Variants in FAM171A1 observed in about 807,000 individuals in gnomAD.
The protein encoded by FAM171A1 is protein FAM171A1.
Under a neutral mutation model 74.9 loss-of-function variants are expected in FAM171A1, and 23 were observed. The ratio of observed to expected loss-of-function variants is 0.31; its 90% CI spans 0.22 to 0.44. FAM171A1 has a LOEUF of 0.44. Ranked by LOEUF, FAM171A1 falls within the 20% of genes least tolerant of loss-of-function variation. FAM171A1 has a pLI of 1.00. For missense variants in FAM171A1, 1,162 were observed against 1,159.2 expected, an observed-to-expected ratio of 1.00 and a Z score of -0.03; for synonymous variants, 527 against 505.7, an observed-to-expected ratio of 1.04 and a Z score of -0.57.
At chr10:15,268,549 T>C (rs188302629) in intron 3 of FAM171A1, among the ~76,000 whole-genome samples, 1 of 152,030 alleles carries the variant, frequency 6.6e-6, no homozygotes, top group African/African-American at 2.4e-5. Context: ...CATACTGAGT[T>C]GGAGGTGCCT....
intron 3 of FAM171A1, among the ~76,000 whole-genome samples, chr10:15,255,390 AC>A (rs1834566215): frequency 6.6e-6 from 1 of 152,272 alleles, no homozygotes; most frequent in Admixed American, 6.5e-5. Flanking sequence ...TGCAAACAAT[AC>A]CCCAGCGGCA....
rs1252990976 is a variant in FAM171A1 at position 15,231,085 on chromosome 10, G to A, written c.755-10025C>T. Among the ~76,000 whole-genome samples the A allele has an allele frequency of 3.9e-5, 6 of 152,234 alleles. No individual in the cohort carries two copies. In the East Asian group the frequency reaches 1.2e-3, roughly 29 times the overall value. Reference sequence around the variant, plus strand: ...AATAACTGAGCGTTCTCATAACAGAGAAATTACAAATCTGGAGACATGTGG... The same window carrying A: ...AATAACTGAGCGTTCTCATAACAGAAAAATTACAAATCTGGAGACATGTGG... On this transcript the variant is annotated intron_variant, in intron 5 of 7. Transcript: ENST00000378116.
At chr10:15,219,485 T>C (rs562944670) in intron 6 of FAM171A1, among the ~76,000 whole-genome samples, 1 of 152,240 alleles carries the variant, frequency 6.6e-6, no homozygotes, top group African/African-American at 2.4e-5. Context: ...TCTTCAGTCA[T>C]AATCTAGGTA....
upstream of FAM171A1, among the ~76,000 whole-genome samples, chr10:15,371,323 C>T (rs959399240): frequency 1.6e-4 from 23 of 146,066 alleles, 1 homozygote; most frequent in African/African-American, 5.1e-4. Flanking sequence ...GCCGCCGCCG[C>T]TGCCCGCGCC....
rs773954432 is a variant in FAM171A1 at position 15,248,664 on chromosome 10, C to A, written c.729G>T (p.Ala243=). 1 of 1,609,798 alleles carries A rather than the reference C, an allele frequency of 6.2e-7. No individual in the cohort carries two copies. The highest frequency in any genetic ancestry group is 8.5e-7 in the Non-Finnish European group (1 of 1,178,020). Residue 243 remains alanine, a synonymous_variant, in exon 5 of 8, where the codon GCG becomes GCT. Coordinates refer to ENST00000378116, the MANE Select transcript of FAM171A1 (RefSeq NM_001010924.2). ...CCAGCTTCTGGTCAAACCGCCACGC[C>A]GCGACATAGGCATTGTGCCTCAGGC... is the stretch of plus-strand genomic sequence containing the variant. The part of the protein sequence containing the change: ...QSSLRHNAYV[A]AWRFDQKLGT...
At chr10:15,361,704 C>T (rs931114201) in intron 1 of FAM171A1, among the ~76,000 whole-genome samples, 2 of 152,054 alleles carry the variant, frequency 1.3e-5, no homozygotes, top group Non-Finnish European at 2.9e-5. Context: ...ATAAATCTTA[C>T]TGATAGGACT....
chr10:15,220,008 AG>A (rs1243975844), intron 6 of FAM171A1, among the ~76,000 whole-genome samples: 1 of 152,220 alleles, frequency 6.6e-6, no homozygotes, highest in Non-Finnish European at 1.5e-5. Flanking sequence ...TTACTTTGTG[AG>A]TCTAAGTGCT....
At chr10:15,233,400 T>C (rs375352999) in intron 5 of FAM171A1, among the ~76,000 whole-genome samples, 49 of 152,266 alleles carry the variant, frequency 3.2e-4, no homozygotes, top group African/African-American at 1.1e-3. Flanking sequence ...TCAAACTGCA[T>C]ACTGGAAATG....
At chr10:15,290,619 A>T (rs533390802) in intron 1 of FAM171A1, among the ~76,000 whole-genome samples, 2 of 152,302 alleles carry the variant, frequency 1.3e-5, no homozygotes, top group African/African-American at 4.8e-5. Flanking sequence ...TACATACTGA[A>T]GTGTCATTCT....
intron 1 of FAM171A1, among the ~76,000 whole-genome samples, chr10:15,345,711 C>T (rs565147286): frequency 1.3e-5 from 2 of 152,238 alleles, no homozygotes; most frequent in Non-Finnish European, 2.9e-5. Context: ...TCCTAGGCCA[C>T]GTCTTCCTCA....
chr10:15,344,682 A>G (rs1421983858), intron 1 of FAM171A1, among the ~76,000 whole-genome samples: 1 of 152,264 alleles, frequency 6.6e-6, no homozygotes, highest in Non-Finnish European at 1.5e-5. Context: ...TGCAAATACA[A>G]TTGGTGTCCT....
At chr10:15,232,523 C>T (rs10906865) in intron 5 of FAM171A1, among the ~76,000 whole-genome samples, 1 of 151,970 alleles carries the variant, frequency 6.6e-6, no homozygotes, top group African/African-American at 2.4e-5. Context: ...GCTGACCGAA[C>T]GAACTGTTTG....
intron 5 of FAM171A1, among the ~76,000 whole-genome samples, chr10:15,237,288 C>T (rs1471501497): frequency 6.6e-6 from 1 of 152,078 alleles, no homozygotes; most frequent in African/African-American, 2.4e-5. Context: ...ACCTAAGTCC[C>T]TAAGAATGGG....
Position 15,254,800 on chromosome 10 carries a change from G to C in FAM171A1, c.498C>G (p.Thr166=). 1 of 1,614,158 alleles carries C rather than the reference G, an allele frequency of 6.2e-7. No individual in the cohort carries two copies. The highest frequency in any genetic ancestry group is 8.5e-7 in the Non-Finnish European group (1 of 1,180,016). ...LPENTSYSDL[T]AFLTAASSPS... ...GGGAGCTGGCGGCCGTGAGAAACGC[G>C]GTCAGGTCACTGTAGCTGGTGTTCT... is the stretch of plus-strand genomic sequence containing the variant. The change falls in exon 4 of 8, where the codon ACC becomes ACG. Residue 166 remains threonine, a synonymous_variant. Transcript: ENST00000378116.
At chr10:15,267,132 A>C (rs1834754751) in intron 3 of FAM171A1, among the ~76,000 whole-genome samples, 1 of 152,122 alleles carries the variant, frequency 6.6e-6, no homozygotes, top group Non-Finnish European at 1.5e-5. Context: ...CGTGTACCCC[A>C]CAGGGGGGCT....
chr10:15,288,945 C>G (rs1196121769), intron 1 of FAM171A1, among the ~76,000 whole-genome samples: 1 of 151,230 alleles, frequency 6.6e-6, no homozygotes, highest in Non-Finnish European at 1.5e-5. Flanking sequence ...GCCTCAGCCT[C>G]CCAAGTAGCT....
intron 1 of FAM171A1, among the ~76,000 whole-genome samples, chr10:15,307,051 T>C (rs1835304224): frequency 6.6e-6 from 1 of 152,160 alleles, no homozygotes; most frequent in Admixed American, 6.5e-5. Flanking sequence ...CAGGGTACTG[T>C]GGAAAGGCTC....
intron 1 of FAM171A1, among the ~76,000 whole-genome samples, chr10:15,339,115 C>T (rs1364814821): frequency 6.6e-6 from 1 of 152,164 alleles, no homozygotes; most frequent in Non-Finnish European, 1.5e-5. Context: ...AAAATATCCA[C>T]ACCTGGCAGA....
chr10:15,345,190 C>T (rs761945983), intron 1 of FAM171A1, among the ~76,000 whole-genome samples: 2 of 152,146 alleles, frequency 1.3e-5, no homozygotes, highest in Admixed American at 6.5e-5. Context: ...GAAATTGGTA[C>T]GATCACATTG....
Sources: allele counts gnomAD v4.1 joint callset (sites outside exome capture counted in the v4.1 genomes callset), GRCh38; gene constraint gnomAD v4.1.1; transcripts MANE v1.5; gene names NCBI Gene and HGNC (gene_info 2026-07-23, HGNC 2026-07-21).